Variants in COX10 observed in about 807,000 individuals in gnomAD.
COX10 encodes protoheme IX farnesyltransferase, mitochondrial.
COX10 carries 27 observed loss-of-function variants against 37.3 expected under a neutral mutation model. The observed-to-expected ratio is 0.72, with a 90% confidence interval of 0.53 to 1.00. The LOEUF (loss-of-function observed/expected upper bound fraction) is 1.00, where lower values mean the gene tolerates loss of function less well. COX10 is among the 50% of genes least tolerant of loss of function. The pLI, the probability that COX10 is intolerant of heterozygous loss-of-function variation, is 0.00. For missense variants in COX10, 475 were observed against 563.2 expected, an observed-to-expected ratio of 0.84 and a Z score of 1.59; for synonymous variants, 222 against 229.1, an observed-to-expected ratio of 0.97 and a Z score of 0.28.
At chr17:14,113,707 G>C (rs1379990371) in intron 4 of COX10, among the ~76,000 whole-genome samples, 1 of 152,098 alleles carries the variant, frequency 6.6e-6, no homozygotes, top group African/African-American at 2.4e-5. Flanking sequence ...TACTGCTTTA[G>C]CATTCAAAAG....
intron 4 of COX10, among the ~76,000 whole-genome samples, chr17:14,153,249 C>T (rs752970130): frequency 9.9e-5 from 15 of 152,266 alleles, no homozygotes; most frequent in Non-Finnish European, 1.9e-4. Flanking sequence ...AACTTTCCCT[C>T]TTACAACCAA....
intron 3 of COX10, among the ~76,000 whole-genome samples, chr17:14,080,726 GA>G (rs1472026844): frequency 2.0e-5 from 3 of 152,014 alleles, no homozygotes; most frequent in Non-Finnish European, 4.4e-5. Context: ...TGACTTTTTA[GA>G]ATTCTTTGTA....
At chr17:14,137,912 T>C (rs1413139972) in intron 4 of COX10, among the ~76,000 whole-genome samples, 1 of 151,778 alleles carries the variant, frequency 6.6e-6, no homozygotes, top group East Asian at 1.9e-4. Context: ...GTCAGAGCTC[T>C]TAATTCCAAA....
chr17:14,075,621 A>G (rs1402779963), intron 2 of COX10, among the ~76,000 whole-genome samples: 1 of 152,194 alleles, frequency 6.6e-6, no homozygotes, highest in Non-Finnish European at 1.5e-5. Flanking sequence ...TATTAGCAGT[A>G]GTTATTAATT....
chr17:14,199,952 C>T (rs1203770687), intron 6 of COX10, among the ~76,000 whole-genome samples: 2 of 152,178 alleles, frequency 1.3e-5, no homozygotes, highest in Non-Finnish European at 2.9e-5. Context: ...ATGGAGCAGA[C>T]GCGCTACCGT....
chr17:14,176,867 A>G (rs1485906132), intron 5 of COX10, among the ~76,000 whole-genome samples: 1 of 152,122 alleles, frequency 6.6e-6, no homozygotes, highest in Non-Finnish European at 1.5e-5. Context: ...CCTTGAATAT[A>G]TGTAATAAAC....
At chr17:14,158,485 A>T (rs990030633) in intron 4 of COX10, among the ~76,000 whole-genome samples, 1 of 151,534 alleles carries the variant, frequency 6.6e-6, no homozygotes, top group Admixed American at 6.6e-5. Context: ...TCTTTTTAGC[A>T]CTAGTGTTTA....
intron 5 of COX10, among the ~76,000 whole-genome samples, chr17:14,183,695 C>G (rs1489779896): frequency 6.6e-6 from 1 of 152,294 alleles, no homozygotes; most frequent in East Asian, 1.9e-4. Context: ...ATAAGTCTGA[C>G]AAAATAAATC....
At chr17:14,083,756 C>G (rs1915351184) in intron 3 of COX10, among the ~76,000 whole-genome samples, 1 of 152,182 alleles carries the variant, frequency 6.6e-6, no homozygotes, top group Non-Finnish European at 1.5e-5. Flanking sequence ...TTGAGTTTCT[C>G]TTGCCAACTG....
At position 14,207,181 on chromosome 17, in the gene COX10, G is replaced by C. The variant is rs374445401; in HGVS notation, c.1300G>C (p.Gly434Arg). 6.2e-7 allele frequency: 1 copy of C among 1,605,288 alleles called. No homozygotes were observed. Among genetic ancestry groups the C allele is most frequent in the African/African-American group, 1.3e-5 (1 of 75,016 alleles). ...CATGCTCACCTGCAAGCGGCCGAGC[G>C]GAGGCGGGGACGCAGGGCCCCCTCC... ...LLMLTCKRPS[G>R]GGDAGPPPS The change falls in exon 7 of 7, where the codon GGA (glycine) becomes CGA (arginine). Residue 434 changes from glycine to arginine, a missense_variant. Gly to Arg is a moderately radical substitution (Grantham distance 125). Transcript: ENST00000261643.
chr17:14,139,631 A>T (rs1188349499), intron 4 of COX10, among the ~76,000 whole-genome samples: 2 of 152,186 alleles, frequency 1.3e-5, no homozygotes, highest in African/African-American at 4.8e-5. Flanking sequence ...TTGCATAGTG[A>T]TTGCGAGCTT....
At chr17:14,188,102 C>CT (rs1157321131) in intron 5 of COX10, among the ~76,000 whole-genome samples, 83,885 of 123,592 alleles carry the variant, frequency 0.68, 28,718 homozygotes, top group East Asian at 0.84. Flanking sequence ...CCTTCTTCTT[C>CT]TTTTTTTTTT....
In COX10 at chr17:14,175,458, T is replaced by C. The variant is rs866917750; in HGVS notation, c.695+15511T>C. Among the ~76,000 whole-genome samples, 501 of 151,622 alleles carry C rather than the reference T, an allele frequency of 3.3e-3. 1 individual carries two copies. Among genetic ancestry groups the C allele is most frequent in the African/African-American group, 0.01 (434 of 41,352 alleles). ...GTTTCCTCGCCTATAAAATGAGGTT[T>C]GTGCCTTCCACCTCATAGAGTTATG... On this transcript the variant is annotated intron_variant, in intron 5 of 6. Coordinates refer to ENST00000261643, the MANE Select transcript of COX10 (RefSeq NM_001303.4).
At chr17:14,086,715 A>C (rs1263398279) in intron 3 of COX10, among the ~76,000 whole-genome samples, 1 of 151,878 alleles carries the variant, frequency 6.6e-6, no homozygotes, top group Non-Finnish European at 1.5e-5. Context: ...TAATTATTTC[A>C]TTTTCTGGTA....
At chr17:14,180,546 T>G (rs1190763213) in intron 5 of COX10, among the ~76,000 whole-genome samples, 1 of 152,212 alleles carries the variant, frequency 6.6e-6, no homozygotes, top group Non-Finnish European at 1.5e-5. Context: ...GTGACTATTT[T>G]CAAGCGTTGT....
intron 4 of COX10, among the ~76,000 whole-genome samples, chr17:14,152,908 A>G (rs1411292149): frequency 6.6e-6 from 1 of 152,192 alleles, no homozygotes; most frequent in Admixed American, 6.5e-5. Flanking sequence ...CAGGCCCAGC[A>G]CTGCTCCAGG....
chr17:14,160,070 A>T (rs1905141280), intron 5 of COX10, 123 bp downstream of exon 5: 2 of 875,912 alleles, frequency 2.3e-6, no homozygotes, highest in Non-Finnish European at 3.7e-6. Flanking sequence ...CAAAGAAACA[A>T]AGTGATATGG....
At chr17:14,200,515 C>T (rs909870568) in intron 6 of COX10, among the ~76,000 whole-genome samples, 1 of 152,298 alleles carries the variant, frequency 6.6e-6, no homozygotes, top group Admixed American at 6.5e-5. Flanking sequence ...ACATACAGTA[C>T]AGCAGATGTG....
At chr17:14,091,145 C>T (rs1244174242) in intron 3 of COX10, among the ~76,000 whole-genome samples, 3 of 152,150 alleles carry the variant, frequency 2.0e-5, no homozygotes, top group African/African-American at 7.2e-5. Flanking sequence ...TTCAGTGTCT[C>T]TTTCAACTGC....
Sources: allele counts gnomAD v4.1 joint callset (sites outside exome capture counted in the v4.1 genomes callset), GRCh38; gene constraint gnomAD v4.1.1; transcripts MANE v1.5; gene names NCBI Gene and HGNC (gene_info 2026-07-23, HGNC 2026-07-21).